TENM2: variants seen among roughly 807,000 people sequenced by gnomAD.
TENM2 encodes teneurin-2.
TENM2 carries 52 observed loss-of-function variants against 245.2 expected under a neutral mutation model. The ratio of observed to expected loss-of-function variants is 0.21; its 90% confidence interval spans 0.17 to 0.27. The LOEUF (loss-of-function observed/expected upper bound fraction) is 0.27, where lower values mean the gene tolerates loss of function less well. TENM2 is among the 10% of genes least tolerant of loss of function. The probability of loss-of-function intolerance (pLI) is 1.00; values close to 1 mark genes in which losing one functional copy is unlikely to be tolerated. For missense variants in TENM2, 3,046 were observed against 3,666.8 expected (o/e 0.83, Z 4.37); for synonymous variants, 1,363 against 1,438.9 (o/e 0.95, Z 1.19).
intron 2 of TENM2, among the ~76,000 whole-genome samples, chr5:167,849,120 G>T (rs1291585338): frequency 6.6e-6 from 1 of 152,136 alleles, no homozygotes; most frequent in Admixed American, 6.5e-5. Context: ...CACCATGGGA[G>T]AATCTACTTC....
intron 2 of TENM2, among the ~76,000 whole-genome samples, chr5:167,435,973 TTC>T (rs1211292804): frequency 0.013 from 1,437 of 106,938 alleles, 33 homozygotes; most frequent in African/African-American, 0.044. Flanking sequence ...TTCTTTTTTT[TTC>T]TTTTTTTTTT....
intron 2 of TENM2, among the ~76,000 whole-genome samples, chr5:167,567,854 A>C (rs1306692368): frequency 2.6e-5 from 4 of 152,112 alleles, no homozygotes; most frequent in African/African-American, 4.8e-5. Flanking sequence ...TCTTTCACAT[A>C]ATTTCCGAAT....
intron 5 of TENM2, among the ~76,000 whole-genome samples, chr5:168,037,891 A>G (rs1484420324): frequency 3.3e-5 from 5 of 152,218 alleles, no homozygotes; most frequent in Non-Finnish European, 5.9e-5. Context: ...ATGGCCTTTG[A>G]GGCCCATCTT....
At chr5:167,422,767 G>A (rs950770163) in intron 2 of TENM2, among the ~76,000 whole-genome samples, 1 of 152,128 alleles carries the variant, frequency 6.6e-6, no homozygotes. Flanking sequence ...CGTGAATCCT[G>A]ATGCCAGAGC....
chr5:167,552,772 T>C (rs752782705), intron 2 of TENM2, among the ~76,000 whole-genome samples: 3 of 152,174 alleles, frequency 2.0e-5, no homozygotes, highest in Admixed American at 1.3e-4. Context: ...TAAAAAGTAA[T>C]AGATAACTAG....
chr5:167,177,910 A>G, the TENM2 span, among the ~76,000 whole-genome samples: 2 of 152,194 alleles, frequency 1.3e-5, no homozygotes, highest in African/African-American at 2.4e-5. Context: ...GGTCCCTACT[A>G]TAAAACACGC....
chr5:167,913,285 G>A (rs1450915903), intron 3 of TENM2, among the ~76,000 whole-genome samples: 1 of 152,142 alleles, frequency 6.6e-6, no homozygotes, highest in Non-Finnish European at 1.5e-5. Flanking sequence ...TTGACTTTGT[G>A]CCAAAGATCA....
At chr5:167,398,993 G>C (rs1424176370) in intron 2 of TENM2, among the ~76,000 whole-genome samples, 1 of 152,132 alleles carries the variant, frequency 6.6e-6, no homozygotes, top group African/African-American at 2.4e-5. Flanking sequence ...TTGGCTGTCA[G>C]GTCCTTGGGC....
At chr5:167,151,437 C>A in the TENM2 span, among the ~76,000 whole-genome samples, 1 of 152,182 alleles carries the variant, frequency 6.6e-6, no homozygotes, top group Non-Finnish European at 1.5e-5. Flanking sequence ...AAAGCTGCTA[C>A]CTAATGACTA....
At chr5:167,169,412 A>G in the TENM2 span, among the ~76,000 whole-genome samples, 1 of 152,180 alleles carries the variant, frequency 6.6e-6, no homozygotes. Flanking sequence ...TTTCTCTTTT[A>G]TAGGTCCTAG....
chr5:167,915,157 A>G (rs1776839029), intron 3 of TENM2, among the ~76,000 whole-genome samples: 2 of 152,100 alleles, frequency 1.3e-5, no homozygotes, highest in African/African-American at 4.8e-5. Flanking sequence ...TGAGAAGATG[A>G]TAGTGTAGAG....
Position 168,218,080 on chromosome 5 carries a change from A to C in TENM2, c.4234-45A>C, listed in dbSNP as rs1309188086. On this transcript the variant is annotated intron_variant, in intron 22 of 28. Transcript: ENST00000518659. The surrounding 1 kb of genome is among the most constrained non-coding windows in gnomAD (Gnocchi z 5.2). ...TAAGTGCCGTACGGTTAAACGTTGGACATATTAAAGGCTGTTCTTTAATCT... is the reference window on the plus strand; with the variant it reads ...TAAGTGCCGTACGGTTAAACGTTGGCCATATTAAAGGCTGTTCTTTAATCT... The C allele has an allele frequency of 6.3e-7, 1 of 1,577,570 alleles. No homozygotes were observed. The highest frequency in any genetic ancestry group is 8.6e-7 in the Non-Finnish European group (1 of 1,158,126).
chr5:167,643,007 G>T (rs919510835), intron 2 of TENM2, among the ~76,000 whole-genome samples: 3 of 152,180 alleles, frequency 2.0e-5, no homozygotes, highest in African/African-American at 7.2e-5. Flanking sequence ...ATGTGACTTT[G>T]TAATGACACC....
chr5:167,194,916 G>A, the TENM2 span, among the ~76,000 whole-genome samples: 11 of 152,022 alleles, frequency 7.2e-5, no homozygotes, highest in African/African-American at 2.7e-4. Context: ...AACAAAGCAA[G>A]CAGTGAGGTC....
chr5:168,171,450 G>A (rs1229302221), intron 13 of TENM2, among the ~76,000 whole-genome samples: 2 of 152,254 alleles, frequency 1.3e-5, no homozygotes, highest in Non-Finnish European at 2.9e-5. Context: ...TGTTTCTGAA[G>A]AAGATTCAAA....
At chr5:167,595,937 G>A (rs1309727361) in intron 2 of TENM2, among the ~76,000 whole-genome samples, 1 of 152,164 alleles carries the variant, frequency 6.6e-6, no homozygotes, top group African/African-American at 2.4e-5. Flanking sequence ...GAAAGACAGA[G>A]TGACTGTTTG....
intron 2 of TENM2, among the ~76,000 whole-genome samples, chr5:167,515,681 T>C (rs796860209): frequency 2.8e-5 from 1 of 36,324 alleles, no homozygotes; most frequent in Non-Finnish European, 7.1e-5. Flanking sequence ...GTATATATAT[T>C]TTGAGAGGGA....
At chr5:167,325,964 T>G (rs539502292) in intron 1 of TENM2, among the ~76,000 whole-genome samples, 1 of 152,178 alleles carries the variant, frequency 6.6e-6, no homozygotes, top group Admixed American at 6.5e-5. Context: ...TGGAGAGAGA[T>G]AAGGAAAGAA....
intron 2 of TENM2, among the ~76,000 whole-genome samples, chr5:167,858,261 G>A (rs1351695985): frequency 6.6e-6 from 1 of 152,260 alleles, no homozygotes; most frequent in African/African-American, 2.4e-5. Flanking sequence ...TCTGTACCAT[G>A]TCTTCATAAG....
Sources: allele counts gnomAD v4.1 joint callset (sites outside exome capture counted in the v4.1 genomes callset), GRCh38; gene constraint gnomAD v4.1.1; non-coding constraint Gnocchi (gnomAD v3.1); transcripts MANE v1.5; gene names NCBI Gene and HGNC (gene_info 2026-07-23, HGNC 2026-07-21).